Variants in FOXP2 observed in about 807,000 individuals in gnomAD.
FOXP2 encodes the protein forkhead box P2, also known as forkhead box protein P2.
Under a neutral mutation model 115.8 loss-of-function variants are expected in FOXP2, and 12 were observed. The observed-to-expected ratio is 0.10, with a 90% confidence interval of 0.07 to 0.17. FOXP2 has a LOEUF of 0.17. Ranked by LOEUF, FOXP2 falls within the 10% of genes least tolerant of loss-of-function variation. The pLI is 1.00. For synonymous variants in FOXP2, 328 were observed against 297.7 expected, an observed-to-expected ratio of 1.10 and a Z score of -1.05; for missense variants, 629 against 843.5, an observed-to-expected ratio of 0.75 and a Z score of 3.15.
chr7:114,344,923 A>C (rs138877490), intron 2 of FOXP2, among the ~76,000 whole-genome samples: 1 of 151,888 alleles, frequency 6.6e-6, no homozygotes, highest in East Asian at 1.9e-4. Flanking sequence ...CTTTTTTTAA[A>C]CCACCATTTC....
At chr7:114,498,450 G>C (rs1160475946) in intron 2 of FOXP2, among the ~76,000 whole-genome samples, 1 of 152,010 alleles carries the variant, frequency 6.6e-6, no homozygotes. Flanking sequence ...AATATATATG[G>C]AAAAAGTAAA....
intron 2 of FOXP2, among the ~76,000 whole-genome samples, chr7:114,486,854 C>A (rs960885347): frequency 1.3e-5 from 2 of 152,188 alleles, no homozygotes; most frequent in Non-Finnish European, 2.9e-5. Flanking sequence ...TTCCCATAGC[C>A]TTGGGCAGCT....
upstream of FOXP2, chr7:114,087,632 G>T (rs1799448930): frequency 6.8e-6 from 1 of 147,090 alleles, no homozygotes; most frequent in Non-Finnish European, 1.5e-5. Flanking sequence ...CGGCGGCGGC[G>T]GCGGCGCCGG....
At chr7:114,448,390 ATTG>A (rs1487048193) in intron 2 of FOXP2, among the ~76,000 whole-genome samples, 1 of 152,096 alleles carries the variant, frequency 6.6e-6, no homozygotes, top group Non-Finnish European at 1.5e-5. Context: ...TTTAGTTTAT[ATTG>A]TACCTGGGGC....
chr7:114,115,481 GCT>G (rs1187198745), intron 1 of FOXP2, among the ~76,000 whole-genome samples: 1 of 151,864 alleles, frequency 6.6e-6, no homozygotes, highest in Non-Finnish European at 1.5e-5. Flanking sequence ...CTTTCCCCTG[GCT>G]CTCTGCTCTT....
rs1347150082 is a variant in FOXP2, at chr7:114,628,576, A to T, written c.295A>T (p.Ile99Phe). ...VSVAMMTPQV[I>F]TPQQMQQILQ... is the part of the protein sequence containing the mutation. ...AGTGGCCATGATGACTCCCCAGGTG[A>T]TCACCCCTCAGCAAATGCAGCAGAT... Residue 99 changes from isoleucine (I) to phenylalanine (F), a missense_variant, in exon 4 of 17, where the codon ATC becomes TTC. Ile to Phe is a conservative substitution (Grantham distance 21). Around this residue, in one of 9 missense-constraint regions of FOXP2, gnomAD observed 138 missense variants for 205.1 expected, o/e 0.67. Transcript: ENST00000350908. The T allele has an allele frequency of 3.1e-6, 5 of 1,614,028 alleles. No homozygotes were observed. Among genetic ancestry groups the T allele is most frequent in the Non-Finnish European group, 4.2e-6 (5 of 1,179,984 alleles).
At chr7:114,315,485 A>T (rs1048639534) in intron 2 of FOXP2, among the ~76,000 whole-genome samples, 1 of 152,166 alleles carries the variant, frequency 6.6e-6, no homozygotes, top group African/African-American at 2.4e-5. Context: ...AATGTTGACC[A>T]TACTGTTGCA....
At chr7:114,513,157 T>A (rs368274484) in intron 2 of FOXP2, among the ~76,000 whole-genome samples, 42 of 152,276 alleles carry the variant, frequency 2.8e-4, no homozygotes, top group African/African-American at 9.6e-4. Context: ...ACTACTTTCA[T>A]AATACAGTTT....
intron 1 of FOXP2, among the ~76,000 whole-genome samples, chr7:114,103,540 G>A (rs1791039754): frequency 6.6e-6 from 1 of 151,958 alleles, no homozygotes; most frequent in Admixed American, 6.6e-5. Context: ...TCAGCTGGGG[G>A]AAATGGGGGA....
At chr7:114,394,524 C>A (rs112252393) in intron 2 of FOXP2, among the ~76,000 whole-genome samples, 2,400 of 151,594 alleles carry the variant, frequency 0.016, 29 homozygotes, top group African/African-American at 0.028. Flanking sequence ...TTACTAATTA[C>A]AAAAGAGAAA....
At chr7:114,398,466 T>C (rs1265723085) in intron 2 of FOXP2, among the ~76,000 whole-genome samples, 1 of 152,100 alleles carries the variant, frequency 6.6e-6, no homozygotes, top group African/African-American at 2.4e-5. Flanking sequence ...TTAAAATCAA[T>C]GAAAACATAC....
intron 2 of FOXP2, among the ~76,000 whole-genome samples, chr7:114,521,369 A>C (rs1462109307): frequency 6.6e-6 from 1 of 151,886 alleles, no homozygotes; most frequent in Non-Finnish European, 1.5e-5. Context: ...CAACTCTACC[A>C]AAAACAAACA....
At chr7:114,477,958 A>G (rs149900185) in intron 2 of FOXP2, among the ~76,000 whole-genome samples, 3 of 151,978 alleles carry the variant, frequency 2.0e-5, no homozygotes, top group Middle Eastern at 6.8e-3. Context: ...CCAAAGTTCT[A>G]CAAAAACTTC....
intron 8 of FOXP2, among the ~76,000 whole-genome samples, chr7:114,651,899 A>G (rs1806277707): frequency 6.6e-6 from 1 of 152,190 alleles, no homozygotes; most frequent in African/African-American, 2.4e-5. Context: ...CTTTTTAAAA[A>G]AATGGCATAA....
At chr7:114,114,288 A>G in intron 1 of FOXP2, among the ~76,000 whole-genome samples, 1 of 150,844 alleles carries the variant, frequency 6.6e-6, no homozygotes, top group South Asian at 2.1e-4. Flanking sequence ...CATATATATA[A>G]ATATATATAT....
chr7:114,419,516 T>C (rs1793502657), intron 1 of FOXP2, among the ~76,000 whole-genome samples: 1 of 151,922 alleles, frequency 6.6e-6, no homozygotes, highest in Non-Finnish European at 1.5e-5. Context: ...CCCTCACAGT[T>C]ATTTATCCTT....
chr7:114,445,577 G>T (rs1391056098), intron 2 of FOXP2, among the ~76,000 whole-genome samples: 1 of 152,006 alleles, frequency 6.6e-6, no homozygotes, highest in Non-Finnish European at 1.5e-5. Context: ...CTACTTTGTG[G>T]GATACCAACT....
chr7:114,308,647 C>A (rs1797071651), intron 2 of FOXP2, among the ~76,000 whole-genome samples: 1 of 152,150 alleles, frequency 6.6e-6, no homozygotes, highest in South Asian at 2.1e-4. Flanking sequence ...TACCAGTCTT[C>A]TACAATCCAG....
intron 2 of FOXP2, among the ~76,000 whole-genome samples, chr7:114,405,965 A>G (rs1257910628): frequency 6.6e-6 from 1 of 151,838 alleles, no homozygotes; most frequent in East Asian, 1.9e-4. Context: ...GCATTTCCAT[A>G]GAATTTGTAG....
Sources: allele counts gnomAD v4.1 joint callset (sites outside exome capture counted in the v4.1 genomes callset), GRCh38; gene constraint gnomAD v4.1.1; regional missense constraint gnomAD v4.1.1; transcripts MANE v1.5; gene names NCBI Gene and HGNC (gene_info 2026-07-23, HGNC 2026-07-21).